BCAR3: variants seen among roughly 807,000 people sequenced by gnomAD.
BCAR3 encodes the protein BCAR3 adaptor protein, NSP family member, also known as breast cancer anti-estrogen resistance protein 3.
In BCAR3, 37 loss-of-function variants were observed where a neutral mutation model predicts 80.1. That is an observed-to-expected ratio of 0.46 (90% CI 0.36 to 0.61). The LOEUF is 0.61. Among genes scored for constraint, BCAR3 ranks in the 20% least tolerant of loss-of-function variants. The probability of loss-of-function intolerance (pLI) is 0.00; values close to 1 mark genes in which losing one functional copy is unlikely to be tolerated. For synonymous variants in BCAR3, 389 were observed against 418.9 expected, an observed-to-expected ratio of 0.93 and a Z score of 0.87; for missense variants, 978 against 1,068.2, an observed-to-expected ratio of 0.92 and a Z score of 1.18.
At chr1:93,601,563 C>T (rs1429798623) in intron 3 of BCAR3, among the ~76,000 whole-genome samples, 1 of 152,220 alleles carries the variant, frequency 6.6e-6, no homozygotes, top group African/African-American at 2.4e-5. Flanking sequence ...ACACAGGTGA[C>T]ACAGCCCAGC....
At chr1:93,776,418 C>T (rs1490140896) in intron 2 of BCAR3, among the ~76,000 whole-genome samples, 1 of 152,120 alleles carries the variant, frequency 6.6e-6, no homozygotes, top group African/African-American at 2.4e-5. Flanking sequence ...AAGTTAAAGA[C>T]TCTCCCCTTT....
chr1:93,613,829 T>C, intron 3 of BCAR3: 2 of 1,550,268 alleles, frequency 1.3e-6, no homozygotes, highest in South Asian at 1.2e-5. Context: ...ATGTACTTTA[T>C]TTCCAAACCA....
chr1:93,674,999 TC>T, intron 1 of BCAR3, 58 bp from the exon 2 acceptor site: 1 of 1,359,350 alleles, frequency 7.4e-7, no homozygotes, highest in Non-Finnish European at 9.9e-7. Context: ...AGAACTGACT[TC>T]CTACTTACAA....
chr1:93,584,114 C>G lies in BCAR3; in HGVS notation c.937G>C (p.Glu313Gln). Reference protein sequence around the residue: ...LPRGNLLRNKEKSGSQPACLD... With the variant: ...LPRGNLLRNKQKSGSQPACLD... ...CAGGCGGGCTGGCTACCACTCTTTTCTTTGTTTCTGAAGTAAAAGACACAT... is the reference window on the plus strand; with the variant it reads ...CAGGCGGGCTGGCTACCACTCTTTTGTTTGTTTCTGAAGTAAAAGACACAT... Residue 313 changes from glutamate to glutamine, a missense_variant, in exon 6 of 12, where the codon GAA becomes CAA. By Grantham distance (29) the Glu-to-Gln change is conservative (BLOSUM62 2). Transcript: ENST00000260502. The G allele has an allele frequency of 6.2e-7, 1 of 1,613,912 alleles. No homozygotes were observed.
At position 93,674,682 on chromosome 1, in the gene BCAR3, C is replaced by A. The variant is rs370751140; in HGVS notation, c.249G>T (p.Ser83=). ...CCTGGATGCCATCCTGGGTCACAGGCGAGTTCTGCCGTGGGGATTTGGAGT... is the reference window on the plus strand; with the variant it reads ...CCTGGATGCCATCCTGGGTCACAGGAGAGTTCTGCCGTGGGGATTTGGAGT... The part of the protein sequence containing the change: ...LPHSKSPRQN[S]PVTQDGIQES... The change falls in exon 2 of 12, where the codon TCG becomes TCT. Residue 83 remains serine, a synonymous_variant. Coordinates refer to ENST00000260502, the MANE Select transcript of BCAR3 (RefSeq NM_003567.4). The A allele has an allele frequency of 3.1e-6, 5 of 1,613,866 alleles. No individual in the cohort carries two copies. In the African/African-American group the frequency reaches 6.7e-5, roughly 22 times the overall value.
At chr1:93,800,372 G>A (rs1041695427) in intron 2 of BCAR3, among the ~76,000 whole-genome samples, 22 of 152,156 alleles carry the variant, frequency 1.4e-4, no homozygotes, top group East Asian at 3.9e-4. Context: ...TCAGGAGTTC[G>A]AAACAAGCCT....
chr1:93,761,307 C>T (rs180863709), intron 2 of BCAR3, among the ~76,000 whole-genome samples: 229 of 152,244 alleles, frequency 1.5e-3, no homozygotes, highest in African/African-American at 5.1e-3. Flanking sequence ...AAAGTTGGAA[C>T]CAGTGAACAC....
chr1:93,592,175 T>C lies in BCAR3; in HGVS notation c.486+90A>G, dbSNP rs539320209. The C allele has an allele frequency of 1.3e-5, 21 of 1,557,568 alleles. No individual in the cohort carries two copies. In the Admixed American group the frequency reaches 1.9e-4, roughly 14 times the overall value. On this transcript the variant is annotated intron_variant, in intron 4 of 11. Transcript: ENST00000260502. The surrounding 1 kb of genome is among the most constrained non-coding windows in gnomAD (Gnocchi z 4.8). ...TTGGTTACACAGGTGCTTCCGCCCA[T>C]GTGGCCTCGGAGTGGGACCCTGCGG...
At chr1:93,621,560 G>A (rs1395238466) in intron 3 of BCAR3, among the ~76,000 whole-genome samples, 2 of 152,148 alleles carry the variant, frequency 1.3e-5, no homozygotes, top group Admixed American at 1.3e-4. Flanking sequence ...GCACACACCC[G>A]GGTTGTAGCA....
At chr1:93,683,537 G>T (rs1648873463), upstream of BCAR3, among the ~76,000 whole-genome samples, 1 of 152,046 alleles carries the variant, frequency 6.6e-6, no homozygotes, top group Non-Finnish European at 1.5e-5. Context: ...CGGCCAAAAA[G>T]AAAACAACCC....
chr1:93,617,693 G>C (rs1675170458), intron 3 of BCAR3, among the ~76,000 whole-genome samples: 1 of 152,206 alleles, frequency 6.6e-6, no homozygotes, highest in South Asian at 2.1e-4. Context: ...GGCTCTTGCT[G>C]AACAAAGACA....
chr1:93,720,727 A>G (rs1351205647), intron 2 of BCAR3, among the ~76,000 whole-genome samples: 1 of 152,248 alleles, frequency 6.6e-6, no homozygotes, highest in Non-Finnish European at 1.5e-5. Flanking sequence ...AACAAAAGGT[A>G]GAAAGGAGGA....
chr1:93,568,925 G>C (rs540616224), intron 9 of BCAR3, among the ~76,000 whole-genome samples: 1 of 152,286 alleles, frequency 6.6e-6, no homozygotes, highest in East Asian at 1.9e-4. Context: ...CAGGCTCAGT[G>C]ATCTTCCCAC....
At chr1:93,798,764 A>C (rs1421533187) in intron 2 of BCAR3, among the ~76,000 whole-genome samples, 1 of 152,216 alleles carries the variant, frequency 6.6e-6, no homozygotes. Context: ...GATATGATCC[A>C]TCTGTGAACC....
At chr1:93,812,119 C>A (rs1386570182) in intron 2 of BCAR3, among the ~76,000 whole-genome samples, 1 of 152,154 alleles carries the variant, frequency 6.6e-6, no homozygotes, top group African/African-American at 2.4e-5. Context: ...TAAAAAACAT[C>A]TTTGAAGACT....
At chr1:93,809,774 AT>A (rs376268528) in intron 2 of BCAR3, among the ~76,000 whole-genome samples, 12,524 of 129,086 alleles carry the variant, frequency 0.097, 1,084 homozygotes, top group African/African-American at 0.24. Context: ...TCTCAAAAAG[AT>A]AAAAAAAAAA....
chr1:93,740,575 C>A (rs1414608499), intron 2 of BCAR3, among the ~76,000 whole-genome samples: 1 of 152,174 alleles, frequency 6.6e-6, no homozygotes, highest in Admixed American at 6.5e-5. Flanking sequence ...GCTCACTCAA[C>A]ATTCTTTCCT....
chr1:93,786,832 C>CCTT (rs1176786931), intron 2 of BCAR3, among the ~76,000 whole-genome samples: 2 of 152,204 alleles, frequency 1.3e-5, no homozygotes, highest in African/African-American at 4.8e-5. Context: ...GAGTGGTAAC[C>CCTT]CTTCCATAGC....
upstream of BCAR3, chr1:93,681,948 G>A (rs939479017): frequency 1.3e-5 from 2 of 152,082 alleles, no homozygotes; most frequent in African/African-American, 4.8e-5. Flanking sequence ...ATTTACATTC[G>A]GTGACCTAGC....
Sources: gnomAD v4.1 joint callset for allele counts (sites outside exome capture counted in the v4.1 genomes callset) on GRCh38, gnomAD v4.1.1 for gene constraint, Gnocchi (gnomAD v3.1) non-coding constraint, MANE v1.5 for transcripts, NCBI Gene and HGNC (gene_info 2026-07-23, HGNC 2026-07-21) for gene names.